ZNF804B: variants seen among roughly 807,000 people sequenced by gnomAD.
ZNF804B encodes the protein zinc finger 804B.
ZNF804B carries 80 observed loss-of-function variants against 101.4 expected under a neutral mutation model. The ratio of observed to expected loss-of-function variants is 0.79; its 90% CI spans 0.66 to 0.95. The LOEUF (loss-of-function observed/expected upper bound fraction) is 0.95. Among genes scored for constraint, ZNF804B ranks in the 40% least tolerant of loss-of-function variants. ZNF804B has a pLI of 0.00. For synonymous variants in ZNF804B, 622 were observed against 558.8 expected, an observed-to-expected ratio of 1.11 and a Z score of -1.59; for missense variants, 1,673 against 1,561.9, an observed-to-expected ratio of 1.07 and a Z score of -1.20.
At chr7:88,780,415 A>C (rs1002922533) in intron 1 of ZNF804B, among the ~76,000 whole-genome samples, 1 of 117,264 alleles carries the variant, frequency 8.5e-6, no homozygotes, top group African/African-American at 3.5e-5. Context: ...TTGAGAGAGG[A>C]TCTCACTCTG....
At chr7:88,773,386 C>G (rs1288745527) in intron 1 of ZNF804B, among the ~76,000 whole-genome samples, 1 of 145,898 alleles carries the variant, frequency 6.9e-6, no homozygotes, top group East Asian at 2.1e-4. Context: ...AATATTTCAA[C>G]TGGGGAGTCC....
At chr7:88,932,970 A>G (rs926534974) in intron 1 of ZNF804B, among the ~76,000 whole-genome samples, 3 of 151,928 alleles carry the variant, frequency 2.0e-5, no homozygotes, top group African/African-American at 7.2e-5. Flanking sequence ...CCCTAATACC[A>G]AAACCATGAA....
chr7:89,010,511 A>T (rs1788439120), intron 1 of ZNF804B, among the ~76,000 whole-genome samples: 1 of 152,194 alleles, frequency 6.6e-6, no homozygotes. Context: ...TCCTAAAGCA[A>T]GTAAAAATTT....
At chr7:89,295,456 C>A (rs1002374514) in intron 2 of ZNF804B, among the ~76,000 whole-genome samples, 80 of 152,200 alleles carry the variant, frequency 5.3e-4, no homozygotes, top group African/African-American at 1.8e-3. Context: ...GCTTTATACT[C>A]CTATTTTATG....
intron 1 of ZNF804B, among the ~76,000 whole-genome samples, chr7:89,068,411 G>A (rs759121969): frequency 1.1e-4 from 17 of 152,000 alleles, no homozygotes; most frequent in Non-Finnish European, 1.9e-4. Flanking sequence ...CCAAATATCT[G>A]CATAAAGTTA....
intron 1 of ZNF804B, among the ~76,000 whole-genome samples, chr7:89,163,417 G>T (rs900886453): frequency 6.6e-6 from 1 of 152,022 alleles, no homozygotes; most frequent in Non-Finnish European, 1.5e-5. Context: ...TTTGGTGGGG[G>T]TGAGAAGTAA....
intron 1 of ZNF804B, among the ~76,000 whole-genome samples, chr7:88,940,867 AG>A (rs560405187): frequency 1.8e-3 from 267 of 150,644 alleles, no homozygotes; most frequent in African/African-American, 6.3e-3. Context: ...TATTTACAAA[AG>A]ACAATCTGAT....
chr7:88,957,394 G>A (rs1793326334), intron 1 of ZNF804B, among the ~76,000 whole-genome samples: 1 of 151,336 alleles, frequency 6.6e-6, no homozygotes, highest in African/African-American at 2.4e-5. Flanking sequence ...GAATAAAGAG[G>A]CTAAAGTGAA....
chr7:88,909,212 G>A lies in ZNF804B; in HGVS notation c.108+149128G>A, dbSNP rs1325642961. On this transcript the variant is annotated intron_variant, in intron 1 of 3. Coordinates refer to ENST00000333190, the MANE Select transcript of ZNF804B (RefSeq NM_181646.5). Reference sequence around the variant, plus strand: ...TCTTCAGTTGTAGTTTTTGCTTTCCGTTAGGAAGATGATTATAATTTAAAA... The same window carrying A: ...TCTTCAGTTGTAGTTTTTGCTTTCCATTAGGAAGATGATTATAATTTAAAA... Among the ~76,000 whole-genome samples, 6 of 151,742 alleles carry A rather than the reference G, an allele frequency of 4.0e-5. No homozygotes were observed. The South Asian group carries it at 6.2e-4, about 16-fold the overall frequency.
chr7:88,763,050 T>C (rs1789922709), intron 1 of ZNF804B, among the ~76,000 whole-genome samples: 1 of 152,186 alleles, frequency 6.6e-6, no homozygotes, highest in East Asian at 1.9e-4. Context: ...TAAGGATTTC[T>C]TCTTTTGTAG....
chr7:89,063,998 T>C (rs1408393801), intron 1 of ZNF804B, among the ~76,000 whole-genome samples: 2 of 152,150 alleles, frequency 1.3e-5, no homozygotes, highest in Non-Finnish European at 2.9e-5. Flanking sequence ...TTGGTGGTTG[T>C]GTCAGTGAAG....
intron 1 of ZNF804B, among the ~76,000 whole-genome samples, chr7:88,954,515 G>A (rs1562842758): frequency 6.6e-6 from 1 of 150,634 alleles, no homozygotes; most frequent in Non-Finnish European, 1.5e-5. Context: ...TCACAAAGAT[G>A]TCAATTAGCA....
intron 1 of ZNF804B, among the ~76,000 whole-genome samples, chr7:89,061,390 A>ATGTGTGTGTATG (rs146223190): frequency 6.6e-6 from 1 of 150,746 alleles, no homozygotes; most frequent in African/African-American, 2.4e-5. Context: ...CCCCATGAAA[A>ATGTGTGTGTATG]TGTGTGTGTG....
intron 1 of ZNF804B, among the ~76,000 whole-genome samples, chr7:88,828,901 A>G (rs893558296): frequency 6.6e-6 from 1 of 152,110 alleles, no homozygotes; most frequent in Admixed American, 6.6e-5. Context: ...CACCTTACAG[A>G]TAATATCTTC....
chr7:88,989,141 G>A lies in ZNF804B; in HGVS notation c.109-229014G>A, dbSNP rs1584056882. Among the ~76,000 whole-genome samples the A allele has an allele frequency of 2.0e-5, 3 of 151,966 alleles. No homozygotes were observed. In the South Asian group the frequency reaches 6.2e-4, roughly 32 times the overall value. On this transcript the variant is annotated intron_variant, in intron 1 of 3. Coordinates refer to ENST00000333190, the MANE Select transcript of ZNF804B (RefSeq NM_181646.5). ...GGGTTCAAGGGATTCTCCTGCCTCAGCCTCCCAAGTAGCTAGGACTTAATT... is the reference window on the plus strand; with the variant it reads ...GGGTTCAAGGGATTCTCCTGCCTCAACCTCCCAAGTAGCTAGGACTTAATT...
chr7:88,760,145 ATATTGAGAGATAGT>A (rs1222802128), intron 1 of ZNF804B, 61 bp downstream of exon 1: 14 of 1,343,420 alleles, frequency 1.0e-5, no homozygotes, highest in Non-Finnish European at 1.5e-5. Flanking sequence ...AAACAAAAAG[ATATTGAGAGATAGT>A]ATCCTGATAC....
chr7:89,257,882 A>T (rs1229574341), intron 2 of ZNF804B, among the ~76,000 whole-genome samples: 1 of 151,976 alleles, frequency 6.6e-6, no homozygotes, highest in East Asian at 1.9e-4. Flanking sequence ...CTGTTCCTGT[A>T]ATCACTCTTT....
At chr7:89,332,406 A>G (rs1790999555) in intron 3 of ZNF804B, among the ~76,000 whole-genome samples, 1 of 151,642 alleles carries the variant, frequency 6.6e-6, no homozygotes, top group African/African-American at 2.4e-5. Context: ...TAAAATAAAA[A>G]TCAAAATTAG....
chr7:88,926,307 C>A (rs1327945215), intron 1 of ZNF804B, among the ~76,000 whole-genome samples: 1 of 151,828 alleles, frequency 6.6e-6, no homozygotes, highest in Non-Finnish European at 1.5e-5. Flanking sequence ...TCAAAGGAGG[C>A]CGGGTGTGGT....
Sources: gnomAD v4.1 joint callset for allele counts (sites outside exome capture counted in the v4.1 genomes callset) on GRCh38, gnomAD v4.1.1 for gene constraint, MANE v1.5 for transcripts, NCBI Gene and HGNC (gene_info 2026-07-23, HGNC 2026-07-21) for gene names.